The following EML6 variants were observed in gnomAD, a reference collection of about 807,000 sequenced individuals.
The protein encoded by EML6 is echinoderm microtubule-associated protein-like 6.
Under a neutral mutation model 240.1 loss-of-function variants are expected in EML6, and 154 were observed. That is an observed-to-expected ratio of 0.64 (90% confidence interval 0.56 to 0.73). The LOEUF (loss-of-function observed/expected upper bound fraction) is 0.73, where lower values mean the gene tolerates loss of function less well. Among genes scored for constraint, EML6 ranks in the 30% least tolerant of loss-of-function variants. The pLI is 0.00. For synonymous variants in EML6, 1,148 were observed against 899.0 expected (o/e 1.28, Z -4.95); for missense variants, 2,964 against 2,474.6 (o/e 1.20, Z -4.20).
intron 8 of EML6, among the ~76,000 whole-genome samples, chr2:54,846,812 G>C (rs1410711578): frequency 6.6e-6 from 1 of 151,816 alleles, no homozygotes; most frequent in Non-Finnish European, 1.5e-5. Context: ...AATAATAATG[G>C]CATCTTATCC....
At chr2:54,948,791 G>A (rs1675818523) in intron 28 of EML6, 91 bp from the exon 29 acceptor site, 2 of 939,776 alleles carry the variant, frequency 2.1e-6, no homozygotes, top group East Asian at 2.6e-5. Context: ...GGAGAGAGGA[G>A]GCCGGCACTG....
At chr2:54,907,608 T>C (rs1019302892) in intron 24 of EML6, among the ~76,000 whole-genome samples, 1 of 152,248 alleles carries the variant, frequency 6.6e-6, no homozygotes, top group African/African-American at 2.4e-5. Flanking sequence ...TACCAGTTGT[T>C]AGAATTATTC....
At chr2:54,795,626 C>T (rs1001833525) in intron 2 of EML6, among the ~76,000 whole-genome samples, 11 of 151,738 alleles carry the variant, frequency 7.2e-5, no homozygotes, top group African/African-American at 2.4e-4. Context: ...CTGGGTCTGG[C>T]GTCCTCAGTG....
chr2:54,770,148 A>G (rs1317198900), intron 2 of EML6, among the ~76,000 whole-genome samples: 8 of 152,196 alleles, frequency 5.3e-5, no homozygotes. Context: ...GCAGTTTTCT[A>G]ACTTAAATAG....
chr2:54,834,162 G>A (rs1172190251), intron 7 of EML6, among the ~76,000 whole-genome samples: 7 of 152,196 alleles, frequency 4.6e-5, no homozygotes, highest in Admixed American at 2.6e-4. Flanking sequence ...CGGGGCATGG[G>A]GAGAACTCCC....
intron 11 of EML6, among the ~76,000 whole-genome samples, chr2:54,857,316 A>C (rs943425546): frequency 5.9e-5 from 9 of 152,098 alleles, no homozygotes; most frequent in African/African-American, 2.2e-4. Context: ...GTTGATAGAG[A>C]AGACATGAGG....
intron 10 of EML6, among the ~76,000 whole-genome samples, chr2:54,853,336 A>T (rs1235199438): frequency 6.6e-6 from 1 of 152,120 alleles, no homozygotes; most frequent in Non-Finnish European, 1.5e-5. Context: ...AAGTTTTTTG[A>T]TACATTCATG....
intron 28 of EML6, among the ~76,000 whole-genome samples, chr2:54,929,906 C>T (rs375657559): frequency 1.3e-5 from 2 of 152,092 alleles, no homozygotes; most frequent in East Asian, 3.9e-4. Context: ...CAGTGGTCTT[C>T]AGAGTTCATT....
intron 2 of EML6, among the ~76,000 whole-genome samples, chr2:54,793,914 CCTT>C (rs1669611497): frequency 6.6e-6 from 1 of 152,128 alleles, no homozygotes; most frequent in South Asian, 2.1e-4. Flanking sequence ...AGACAGTTCT[CCTT>C]CTCAAAGAGA....
chr2:54,775,279 T>C (rs1236848769), intron 2 of EML6, among the ~76,000 whole-genome samples: 1 of 152,274 alleles, frequency 6.6e-6, no homozygotes, highest in Non-Finnish European at 1.5e-5. Flanking sequence ...CTGCAGGCAC[T>C]GGCCCCTAGC....
chr2:54,850,214 G>A lies in EML6; in HGVS notation c.1440G>A (p.Met480Ile), dbSNP rs1298706616. The change falls in exon 10 of 42, where the codon ATG becomes ATA. Residue 480 changes from methionine (M) to isoleucine (I), a missense_variant. Transcript: ENST00000356458. ...DGAGERLFYRMPSGKPLTSKE... is the reference protein window; with the variant it reads ...DGAGERLFYRIPSGKPLTSKE... ...CAGGAGAACGATTGTTCTACAGAAT[G>A]CCATGTAAGTCATGTGGAGGCCTTG... 3 of 1,550,764 alleles carry A rather than the reference G, an allele frequency of 1.9e-6. No homozygotes were observed. The highest frequency in any genetic ancestry group is 2.6e-6 in the Non-Finnish European group (3 of 1,146,312).
chr2:54,869,125 C>A, intron 14 of EML6, 56 bp from the exon 15 acceptor site: 1 of 1,225,894 alleles, frequency 8.2e-7, no homozygotes, highest in Non-Finnish European at 1.2e-6. Context: ...ACACCTCCTG[C>A]TCCATGCATT....
rs1267930125 is a variant in EML6 at position 54,801,491 on chromosome 2, T to C, written c.198-11741T>C. Among the ~76,000 whole-genome samples the C allele has an allele frequency of 9.8e-5, 15 of 152,296 alleles. No individual in the cohort carries two copies. The East Asian group carries it at 2.9e-3, about 29-fold the overall frequency. Reference sequence around the variant, plus strand: ...GTCAAAGTAGGAGTTTATTCATGCTTGACTCTCCAGTGTGATGTCTGGGAT... The same window carrying C: ...GTCAAAGTAGGAGTTTATTCATGCTCGACTCTCCAGTGTGATGTCTGGGAT... On this transcript the variant is annotated intron_variant, in intron 2 of 41. Coordinates refer to ENST00000356458, the MANE Select transcript of EML6 (RefSeq NM_001039753.4).
At chr2:54,767,346 A>G (rs967430631) in intron 2 of EML6, among the ~76,000 whole-genome samples, 1 of 152,146 alleles carries the variant, frequency 6.6e-6, no homozygotes, top group African/African-American at 2.4e-5. Context: ...TTTTTATTAT[A>G]TGATGATAAA....
chr2:54,863,089 G>T (rs1228998063), intron 12 of EML6, among the ~76,000 whole-genome samples: 1 of 152,210 alleles, frequency 6.6e-6, no homozygotes, highest in Admixed American at 6.5e-5. Context: ...ATGAGCAGGT[G>T]ATAAAATGAA....
Position 54,725,195 on chromosome 2 carries a change from T to C in EML6, c.134T>C (p.Val45Ala), listed in dbSNP as rs781554139. The C allele has an allele frequency of 2.0e-6, 3 of 1,517,618 alleles. No homozygotes were observed. In the Admixed American group the frequency reaches 6.2e-5, roughly 32 times the overall value. The allele number at this position is 1,517,618 out of a possible 1,614,324, so 94.0% of individuals were successfully genotyped here. A position where few individuals can be genotyped will look rare whatever the true frequency, so the allele number is the denominator to read the frequency against. ...GTCTACTTTGTGGCTGGGGTCGGGG[T>C]GGTTTACAACACCCGCGAGCACAGC... is the stretch of plus-strand genomic sequence containing the variant. ...EVVYFVAGVG[V>A]VYNTREHSQK... The change falls in exon 2 of 42, where the codon GTG becomes GCG. Residue 45 changes from valine (V) to alanine (A), a missense_variant. Val to Ala is a moderately conservative substitution (Grantham distance 64). Coordinates refer to ENST00000356458, the MANE Select transcript of EML6 (RefSeq NM_001039753.4). This position sits in a 1 kb window ranked among gnomAD's most constrained non-coding sequence, Gnocchi z 4.3.
intron 2 of EML6, among the ~76,000 whole-genome samples, chr2:54,792,846 G>A (rs144289760): frequency 1.7e-4 from 26 of 152,312 alleles, no homozygotes; most frequent in African/African-American, 5.5e-4. Flanking sequence ...AAGATGTTAT[G>A]AGGACATACG....
intron 3 of EML6, among the ~76,000 whole-genome samples, chr2:54,816,329 T>C (rs142055519): frequency 1.3e-4 from 20 of 152,356 alleles, no homozygotes; most frequent in Non-Finnish European, 2.4e-4. Flanking sequence ...TGTGAAATTA[T>C]AGAAAACTAA....
chr2:54,967,029 G>A lies in EML6; in HGVS notation c.5523G>A (p.Val1841=). ...QVSTGAYKRQ[V]HEVPLGKQVT... ...CAACAGGTGCCTATAAGCGCCAGGT[G>A]CATGAGGTCCCCCTGGGGAAGCAGG... Residue 1841 remains valine, a synonymous_variant, in exon 39 of 42, where the codon GTG becomes GTA. Coordinates refer to ENST00000356458, the MANE Select transcript of EML6 (RefSeq NM_001039753.4). The A allele has an allele frequency of 5.2e-6, 8 of 1,551,378 alleles. No individual in the cohort carries two copies. The highest frequency in any genetic ancestry group is 6.1e-6 in the Non-Finnish European group (7 of 1,146,796).
Sources: allele counts gnomAD v4.1 joint callset (sites outside exome capture counted in the v4.1 genomes callset), GRCh38; gene constraint gnomAD v4.1.1; non-coding constraint Gnocchi (gnomAD v3.1); transcripts MANE v1.5; gene names NCBI Gene and HGNC (gene_info 2026-07-23, HGNC 2026-07-21).